The following NSD1 variants were observed in gnomAD, a reference collection of about 807,000 sequenced individuals.
The protein encoded by NSD1 is nuclear receptor binding SET domain protein 1.
In NSD1, 26 loss-of-function variants were observed where a neutral mutation model predicts 242.7. The ratio of observed to expected loss-of-function variants is 0.11; its 90% CI spans 0.08 to 0.15. NSD1 has a LOEUF of 0.15. NSD1 is among the 10% of genes least tolerant of loss of function. NSD1 has a pLI of 1.00. For missense variants in NSD1, 2,495 were observed against 3,272.8 expected (o/e 0.76, Z 5.80); for synonymous variants, 1,106 against 1,178.1 (o/e 0.94, Z 1.25).
chr5:177,195,468 TCTC>T (rs1311181896), intron 3 of NSD1, among the ~76,000 whole-genome samples: 1 of 152,042 alleles, frequency 6.6e-6, no homozygotes, highest in South Asian at 2.1e-4. Flanking sequence ...TCTCTCTCTC[TCTC>T]CTCGTCTCTC....
At chr5:177,271,629 TA>T (rs1757949570) in intron 16 of NSD1, among the ~76,000 whole-genome samples, 1 of 152,180 alleles carries the variant, frequency 6.6e-6, no homozygotes, top group South Asian at 2.1e-4. Flanking sequence ...TTGAATCTAT[TA>T]ATAAAATCCT....
Position 177,274,697 on chromosome 5 carries a change from TTG to T in NSD1, c.5622+943_5622+944del, listed in dbSNP as rs138385964. 6.0e-3 allele frequency among the ~76,000 whole-genome samples: 875 copies of T among 144,952 alleles called. 5 individuals are homozygous for T. Among genetic ancestry groups the T allele is most frequent in the Middle Eastern group, 0.014 (4 of 284 alleles). ...AATGCATTATTTGTTCACTTATCCT[TTG>T]TGTGTGTGTGTGTGTGTGTGTGTGT... On this transcript the variant is annotated intron_variant, in intron 17 of 22. Transcript: ENST00000439151.
chr5:177,164,800 C>A (rs566680480), intron 2 of NSD1, among the ~76,000 whole-genome samples: 2 of 151,040 alleles, frequency 1.3e-5, no homozygotes, highest in South Asian at 2.1e-4. Context: ...AAAATTAGAC[C>A]GGCATGGTGG....
At chr5:177,203,019 C>G (rs1292410046) in intron 3 of NSD1, among the ~76,000 whole-genome samples, 1 of 151,972 alleles carries the variant, frequency 6.6e-6, no homozygotes, top group African/African-American at 2.4e-5. Flanking sequence ...CTTTGTCTTT[C>G]TTTTTTCATT....
intron 5 of NSD1, among the ~76,000 whole-genome samples, chr5:177,224,714 G>A (rs1005583474): frequency 6.6e-6 from 1 of 150,760 alleles, no homozygotes; most frequent in East Asian, 1.9e-4. Flanking sequence ...AGAGCCTCCA[G>A]TGTGATGCGG....
In NSD1 at chr5:177,295,751, C is replaced by T. The variant is rs1192186203; in HGVS notation, c.*292C>T. The T allele has an allele frequency of 3.8e-5, 20 of 521,844 alleles. 1 individual carries two copies. The Admixed American group carries it at 6.1e-4, about 16-fold the overall frequency. The allele number at this position is 521,844 out of a possible 1,614,324, so 32.3% of individuals were successfully genotyped here. A position where few individuals can be genotyped will look rare whatever the true frequency, so the allele number is the denominator to read the frequency against. ...TGGTCATCGTGAAATAAAAAGTCCA[C>T]TCTGGAGTCAAGTATGGAATTCAAT... On this transcript the variant is annotated 3_prime_UTR_variant, in exon 23 of 23. Coordinates refer to ENST00000439151, the MANE Select transcript of NSD1 (RefSeq NM_022455.5). The surrounding 1 kb of genome is among the most constrained non-coding windows in gnomAD (Gnocchi z 4.3).
intron 2 of NSD1, among the ~76,000 whole-genome samples, chr5:177,190,428 C>T (rs1761572438): frequency 6.6e-6 from 1 of 151,846 alleles, no homozygotes. Context: ...TACCGGCATG[C>T]GCCGCCATGC....
intron 2 of NSD1, among the ~76,000 whole-genome samples, chr5:177,188,138 T>C (rs893454858): frequency 6.6e-6 from 1 of 152,242 alleles, no homozygotes; most frequent in Non-Finnish European, 1.5e-5. Flanking sequence ...TGTTGAGCTT[T>C]GTACATAGGT....
At chr5:177,150,605 C>T (rs1374122799) in intron 2 of NSD1, among the ~76,000 whole-genome samples, 1 of 148,624 alleles carries the variant, frequency 6.7e-6, no homozygotes, top group African/African-American at 2.4e-5. Context: ...TATAAAATAC[C>T]ATAATGCTCT....
At chr5:177,242,826 G>C (rs1765987553) in intron 8 of NSD1, among the ~76,000 whole-genome samples, 1 of 152,276 alleles carries the variant, frequency 6.6e-6, no homozygotes, top group Non-Finnish European at 1.5e-5. Context: ...ACCGTGCCCA[G>C]CCAGAATGGC....
At chr5:177,145,310 G>A (rs770151400) in intron 2 of NSD1, among the ~76,000 whole-genome samples, 5 of 139,884 alleles carry the variant, frequency 3.6e-5, no homozygotes, top group Non-Finnish European at 4.6e-5. Flanking sequence ...ACAGTGTCTC[G>A]CTCTGTTGCT....
At chr5:177,154,496 A>C (rs1307952498) in intron 2 of NSD1, among the ~76,000 whole-genome samples, 2 of 152,204 alleles carry the variant, frequency 1.3e-5, no homozygotes, top group Non-Finnish European at 2.9e-5. Flanking sequence ...ATGATTAAAA[A>C]ATACATGAAA....
chr5:177,165,845 C>CCTT (rs1444715514), intron 2 of NSD1, among the ~76,000 whole-genome samples: 1 of 151,882 alleles, frequency 6.6e-6, no homozygotes, highest in Non-Finnish European at 1.5e-5. Context: ...AATCTTCTAG[C>CCTT]CTTCTAGCCT....
At chr5:177,212,239 G>C (rs765444636) in intron 5 of NSD1, 44 bp downstream of exon 5, 7 of 1,582,582 alleles carry the variant, frequency 4.4e-6, no homozygotes, top group Non-Finnish European at 5.2e-6. Context: ...ATTGGAGAAA[G>C]TGCTGATAAA....
chr5:177,174,891 T>TG (rs398039344), intron 2 of NSD1, among the ~76,000 whole-genome samples: 242 of 137,538 alleles, frequency 1.8e-3, no homozygotes, highest in African/African-American at 6.2e-3. Context: ...TTTTTTTTTT[T>TG]GGGACAGTCT....
intron 17 of NSD1, among the ~76,000 whole-genome samples, chr5:177,277,272 T>C (rs187758276): frequency 1.4e-4 from 21 of 152,216 alleles, no homozygotes; most frequent in Non-Finnish European, 2.8e-4. Flanking sequence ...TTTTTAGTGA[T>C]TGGCAAAAAA....
At chr5:177,174,118 G>C (rs1380375437) in intron 2 of NSD1, among the ~76,000 whole-genome samples, 1 of 151,560 alleles carries the variant, frequency 6.6e-6, no homozygotes, top group Non-Finnish European at 1.5e-5. Flanking sequence ...TGTAATCCCA[G>C]CACTTTGGGA....
intron 11 of NSD1, among the ~76,000 whole-genome samples, chr5:177,251,007 T>C (rs1219709870): frequency 3.9e-5 from 6 of 152,120 alleles, no homozygotes; most frequent in Non-Finnish European, 8.8e-5. Context: ...CTGGCCAACG[T>C]GGTGAAACCC....
chr5:177,227,509 C>T (rs1383802675), intron 5 of NSD1, among the ~76,000 whole-genome samples: 2 of 151,960 alleles, frequency 1.3e-5, no homozygotes, highest in Admixed American at 1.3e-4. Context: ...TGCAGTGATG[C>T]GATCTTGGCT....
Sources: allele counts gnomAD v4.1 joint callset (sites outside exome capture counted in the v4.1 genomes callset), GRCh38; gene constraint gnomAD v4.1.1; non-coding constraint Gnocchi (gnomAD v3.1); transcripts MANE v1.5; gene names NCBI Gene and HGNC (gene_info 2026-07-23, HGNC 2026-07-21).